The following HBS1L variants were observed in gnomAD, a reference collection of about 807,000 sequenced individuals.
HBS1L encodes the protein HBS1-like protein.
HBS1L carries 55 observed loss-of-function variants against 88.9 expected under a neutral mutation model. The ratio of observed to expected loss-of-function variants is 0.62; its 90% CI spans 0.50 to 0.77. The LOEUF (loss-of-function observed/expected upper bound fraction) is 0.77. Ranked by LOEUF, HBS1L falls within the 30% of genes least tolerant of loss-of-function variation. HBS1L has a pLI of 0.00. For missense variants in HBS1L, 741 were observed against 829.3 expected (o/e 0.89, Z 1.31); for synonymous variants, 267 against 288.5 (o/e 0.93, Z 0.76).
chr6:135,002,296 T>C (rs967056501), intron 5 of HBS1L, among the ~76,000 whole-genome samples: 2 of 152,160 alleles, frequency 1.3e-5, no homozygotes, highest in African/African-American at 4.8e-5. Context: ...TTTGCTACAA[T>C]GGTCCAATTT....
chr6:134,997,645 T>C lies in HBS1L; in HGVS notation c.551A>G (p.Glu184Gly). 1 of 1,613,868 alleles carries C rather than the reference T, an allele frequency of 6.2e-7. No homozygotes were observed. The highest frequency in any genetic ancestry group is 8.5e-7 in the Non-Finnish European group (1 of 1,179,820). The change falls in exon 6 of 18, where the codon GAA becomes GGA. Residue 184 changes from glutamate to glycine, a missense_variant. Coordinates refer to ENST00000367837, the MANE Select transcript of HBS1L (RefSeq NM_006620.4). ...MGFEVPGVSS[E>G]ENGHSFHTPQ... ...TGTGTGGAAACTATGACCATTTTCT[T>C]CAGAAGATACTCTACAGAAGGCAGA...
intron 6 of HBS1L, 36 bp from the exon 7 acceptor site, chr6:134,996,978 A>G: frequency 6.8e-7 from 1 of 1,478,842 alleles, no homozygotes; most frequent in East Asian, 2.3e-5. Context: ...TACCAGGTAC[A>G]TTTCCAGATG....
intron 5 of HBS1L, 70 bp from the exon 6 acceptor site, chr6:134,997,726 A>C: frequency 2.2e-6 from 3 of 1,385,404 alleles, no homozygotes; most frequent in Non-Finnish European, 3.1e-6. Context: ...ACAGAAGGGC[A>C]GAGAAACTGT....
intron 15 of HBS1L, among the ~76,000 whole-genome samples, chr6:134,975,904 A>G (rs1324202564): frequency 6.6e-6 from 1 of 152,200 alleles, no homozygotes; most frequent in Non-Finnish European, 1.5e-5. Flanking sequence ...ATAAAAATAA[A>G]TAGATAAGAC....
chr6:134,980,316 T>C (rs754353452), intron 13 of HBS1L, among the ~76,000 whole-genome samples: 4 of 152,056 alleles, frequency 2.6e-5, no homozygotes, highest in Non-Finnish European at 4.4e-5. Flanking sequence ...AAATATCATG[T>C]ATGTGCACAT....
chr6:135,014,300 G>A (rs1775855426), intron 4 of HBS1L, among the ~76,000 whole-genome samples: 1 of 152,148 alleles, frequency 6.6e-6, no homozygotes, highest in Non-Finnish European at 1.5e-5. Context: ...AGCAGAAACT[G>A]TCACCAAAAA....
At chr6:135,047,147 C>A (rs1776937897) in intron 2 of HBS1L, among the ~76,000 whole-genome samples, 1 of 152,156 alleles carries the variant, frequency 6.6e-6, no homozygotes, top group Non-Finnish European at 1.5e-5. Context: ...ATGAGAGACA[C>A]ATGGATAAAC....
rs1304167981 is a variant in HBS1L, at chr6:134,961,647, CCCACTTTCTGACAGCACTCAAT to C, written c.*3610_*3631del. On this transcript the variant is annotated 3_prime_UTR_variant, in exon 18 of 18. Coordinates refer to ENST00000367837, the MANE Select transcript of HBS1L (RefSeq NM_006620.4). ...TAAGATACCCAGTTGCAAAATCACT[CCCACTTTCTGACAGCACTCAAT>C]CCACTTTCTGACAGCACTCAATCCA... 38 of 152,310 alleles carry C rather than the reference CCCACTTTCTGACAGCACTCAAT, an allele frequency of 2.5e-4. No homozygotes were observed. The highest frequency in any genetic ancestry group is 6.8e-3 in the Middle Eastern group (2 of 294). The allele number at this position is 152,310 out of a possible 1,614,324, so 9.4% of individuals were successfully genotyped here.
At chr6:135,028,620 A>G (rs1776302466) in intron 4 of HBS1L, among the ~76,000 whole-genome samples, 1 of 152,186 alleles carries the variant, frequency 6.6e-6, no homozygotes, top group South Asian at 2.1e-4. Context: ...GAATGCAAGT[A>G]ATTTTATGAA....
At chr6:135,021,190 T>C (rs1238135707) in intron 4 of HBS1L, among the ~76,000 whole-genome samples, 4 of 152,198 alleles carry the variant, frequency 2.6e-5, no homozygotes, top group South Asian at 2.1e-4. Flanking sequence ...TGTTAGCAGA[T>C]ATAAAGAATT....
At chr6:135,036,972 A>G (rs546327389) in intron 4 of HBS1L, 1 of 1,551,414 alleles carries the variant, frequency 6.4e-7, no homozygotes, top group African/African-American at 1.4e-5. Context: ...GGTTTTTTAT[A>G]AGGACACTAA....
chr6:135,019,157 T>A (rs919480632), intron 4 of HBS1L, among the ~76,000 whole-genome samples: 1 of 151,888 alleles, frequency 6.6e-6, no homozygotes, highest in South Asian at 2.1e-4. Context: ...ATGAGGAAAC[T>A]GTGGCATAGT....
chr6:135,050,190 G>A (rs1248406180), intron 2 of HBS1L, among the ~76,000 whole-genome samples: 1 of 152,166 alleles, frequency 6.6e-6, no homozygotes, highest in Non-Finnish European at 1.5e-5. Context: ...CTAAAGTACT[G>A]TATAAAGGAA....
chr6:135,013,617 A>G (rs1156381972), intron 4 of HBS1L, among the ~76,000 whole-genome samples: 2 of 152,182 alleles, frequency 1.3e-5, no homozygotes, highest in Non-Finnish European at 2.9e-5. Flanking sequence ...TGGAGGCAAG[A>G]TTGAAAGGAA....
chr6:135,023,368 C>T lies in HBS1L; in HGVS notation c.430+16205G>A, dbSNP rs368835923. ...CTGAGGCAGGAGAGTGGTGTGAACC[C>T]CAGAGGCGGAGCTTGCAGTGAGCCG... is the stretch of plus-strand genomic sequence containing the variant. On this transcript the variant is annotated intron_variant, in intron 4 of 17. Transcript: ENST00000367837. Among the ~76,000 whole-genome samples the T allele has an allele frequency of 1.2e-4, 18 of 152,190 alleles. No individual in the cohort carries two copies. In the East Asian group the frequency reaches 2.3e-3, roughly 20 times the overall value.
chr6:134,972,015 T>G (rs1052065379), intron 15 of HBS1L, among the ~76,000 whole-genome samples: 3 of 152,200 alleles, frequency 2.0e-5, no homozygotes, highest in African/African-American at 7.2e-5. Flanking sequence ...TGTTAATAAG[T>G]TCTGGTGCAG....
At chr6:135,019,769 T>C (rs1169409918) in intron 4 of HBS1L, among the ~76,000 whole-genome samples, 2 of 151,836 alleles carry the variant, frequency 1.3e-5, no homozygotes, top group African/African-American at 4.8e-5. Context: ...CAAACACCAT[T>C]TTGAATTCAT....
At chr6:134,994,721 C>G (rs963012206) in intron 7 of HBS1L, among the ~76,000 whole-genome samples, 8 of 152,078 alleles carry the variant, frequency 5.3e-5, no homozygotes, top group Non-Finnish European at 2.9e-5. Context: ...GATGTCATGT[C>G]AGCACTCAAA....
intron 4 of HBS1L, chr6:135,036,363 A>C: frequency 1.6e-6 from 2 of 1,261,622 alleles, no homozygotes; most frequent in Non-Finnish European, 2.0e-6. Flanking sequence ...TACCAACTTA[A>C]ATAAAGCCAG....
Sources: allele counts gnomAD v4.1 joint callset (sites outside exome capture counted in the v4.1 genomes callset), GRCh38; gene constraint gnomAD v4.1.1; transcripts MANE v1.5; gene names NCBI Gene and HGNC (gene_info 2026-07-23, HGNC 2026-07-21).